Variants in NOMO2 observed in about 807,000 individuals in gnomAD.
The protein encoded by NOMO2 is BOS complex subunit NOMO2.
Under a neutral mutation model 67.1 loss-of-function variants are expected in NOMO2, and 14 were observed. The observed-to-expected ratio is 0.21, with a 90% CI of 0.14 to 0.33. NOMO2 has a LOEUF of 0.33. Ranked by LOEUF, NOMO2 falls within the 10% of genes least tolerant of loss-of-function variation. The pLI is 1.00. For synonymous variants in NOMO2, 80 were observed against 305.9 expected (o/e 0.26, Z 7.71); for missense variants, 178 against 761.0 (o/e 0.23, Z 9.01).
Position 18,561,993 on chromosome 16 carries a change from G to C in NOMO2, c.48C>G (p.Thr16=). The change falls in exon 1 of 31, where the codon ACC becomes ACG. Residue 16 remains threonine, a synonymous_variant. Coordinates refer to ENST00000622306, the MANE Select transcript of NOMO2 (RefSeq NM_173614.4). ...GAGLLGPAVV[T]AAVVLLLSGV... The stretch of plus-strand genomic sequence containing the variant: ...CGCTCAGCAGCAGCACCACCGCGGC[G>C]GTGACCACCGCGGGCCCCAGCAGCC... 6.4e-7 allele frequency: 1 copy of C among 1,556,636 alleles called. No homozygotes were observed. The highest frequency in any genetic ancestry group is 2.4e-5 in the East Asian group (1 of 41,256).
chr16:18,536,796 G>A (rs1901433652), intron 11 of NOMO2, among the ~76,000 whole-genome samples: 1 of 152,148 alleles, frequency 6.6e-6, no homozygotes, highest in Admixed American at 6.6e-5. Context: ...TGGAAGGTGG[G>A]AAAGACTTAA....
chr16:18,538,371 G>A (rs1901466961), intron 11 of NOMO2, among the ~76,000 whole-genome samples, 155 bp downstream of exon 11: 1 of 135,262 alleles, frequency 7.4e-6, no homozygotes, highest in Non-Finnish European at 1.6e-5. Context: ...CTGGGCAACA[G>A]GGCAAGACTC....
chr16:18,551,082 G>A (rs1479180175), intron 4 of NOMO2, among the ~76,000 whole-genome samples: 5 of 151,580 alleles, frequency 3.3e-5, no homozygotes, highest in African/African-American at 1.2e-4. Flanking sequence ...GGTGAGGCAG[G>A]AGAATCACTT....
At chr16:18,531,750 C>T in intron 12 of NOMO2, 143 bp from the exon 13 acceptor site, 1 of 1,492,598 alleles carries the variant, frequency 6.7e-7, no homozygotes, top group Non-Finnish European at 9.1e-7. Context: ...ATTTTACAAT[C>T]ACAACAAATC....
At chr16:18,529,852 T>G (rs1361003305) in intron 14 of NOMO2, among the ~76,000 whole-genome samples, 10 of 151,396 alleles carry the variant, frequency 6.6e-5, no homozygotes, top group Admixed American at 4.6e-4. Flanking sequence ...TGGTGGCTCA[T>G]GCCTATAATC....
intron 2 of NOMO2, 107 bp downstream of exon 2, chr16:18,557,595 T>C (rs1445739905): frequency 2.5e-6 from 4 of 1,596,292 alleles, no homozygotes; most frequent in Non-Finnish European, 3.4e-6. Flanking sequence ...ACTAATAATT[T>C]ACAAAACAGA....
chr16:18,535,061 C>G (rs549516011), intron 11 of NOMO2, among the ~76,000 whole-genome samples: 1 of 107,432 alleles, frequency 9.3e-6, no homozygotes. Flanking sequence ...GAAGACTAGG[C>G]ACCATGGCTC....
chr16:18,533,843 C>A (rs1287121103), intron 11 of NOMO2: 3 of 151,830 alleles, frequency 2.0e-5, no homozygotes, highest in East Asian at 3.9e-4. Flanking sequence ...TAAGGTGTTG[C>A]AAGGCATCCC....
intron 16 of NOMO2, among the ~76,000 whole-genome samples, chr16:18,526,757 T>C (rs894432391): frequency 6.6e-6 from 1 of 152,018 alleles, no homozygotes; most frequent in Non-Finnish European, 1.5e-5. Flanking sequence ...GGATTAACTG[T>C]CAATGGGCAC....
At chr16:18,553,052 T>C (rs1033106133) in intron 3 of NOMO2, among the ~76,000 whole-genome samples, 6 of 151,844 alleles carry the variant, frequency 4.0e-5, no homozygotes, top group African/African-American at 1.5e-4. Flanking sequence ...AGCGGGCAGA[T>C]CACTTGAGGT....
intron 6 of NOMO2, among the ~76,000 whole-genome samples, chr16:18,544,481 T>G (rs1901621843): frequency 6.6e-6 from 1 of 152,160 alleles, no homozygotes; most frequent in African/African-American, 2.4e-5. Context: ...TTGCCAAGTC[T>G]CACCCAATTC....
chr16:18,535,113 T>G (rs1283691260), intron 11 of NOMO2, among the ~76,000 whole-genome samples: 2 of 118,688 alleles, frequency 1.7e-5, no homozygotes, highest in Non-Finnish European at 3.6e-5. Context: ...GGCGGGTGGG[T>G]CACTTGAGGT....
chr16:18,525,890 A>G (rs1901134749), intron 16 of NOMO2, among the ~76,000 whole-genome samples: 1 of 150,758 alleles, frequency 6.6e-6, no homozygotes, highest in South Asian at 2.1e-4. Flanking sequence ...AATAGAAGGG[A>G]AAGGCCTAAA....
At chr16:18,525,324 C>T (rs1054526543) in intron 16 of NOMO2, among the ~76,000 whole-genome samples, 8 of 147,902 alleles carry the variant, frequency 5.4e-5, no homozygotes, top group Non-Finnish European at 9.0e-5. Flanking sequence ...ATGCTAGGTA[C>T]TGGTACACAG....
At chr16:18,539,049 A>G in intron 9 of NOMO2, 85 bp from the exon 10 acceptor site, 1 of 744,322 alleles carries the variant, frequency 1.3e-6, no homozygotes, top group Admixed American at 2.1e-5. Context: ...GCCGGCCACC[A>G]CCTACCATGT....
intron 16 of NOMO2, among the ~76,000 whole-genome samples, chr16:18,525,268 T>C (rs1207395497): frequency 2.0e-5 from 3 of 150,934 alleles, no homozygotes; most frequent in Non-Finnish European, 3.0e-5. Context: ...TGTTTGGTCT[T>C]TCATTCAACA....
chr16:18,536,583 T>TC (rs1395924240), intron 11 of NOMO2, among the ~76,000 whole-genome samples: 2 of 152,102 alleles, frequency 1.3e-5, no homozygotes, highest in African/African-American at 4.8e-5. Flanking sequence ...ACTCCTGGGC[T>TC]CAAGCGATCC....
chr16:18,528,725 C>T (rs956345169), intron 15 of NOMO2, among the ~76,000 whole-genome samples: 68 of 151,306 alleles, frequency 4.5e-4, no homozygotes, highest in Non-Finnish European at 8.1e-4. Flanking sequence ...GAGGCCAACA[C>T]AGGTGGATCC....
chr16:18,559,939 T>C (rs922379146), intron 1 of NOMO2, among the ~76,000 whole-genome samples: 6 of 151,808 alleles, frequency 4.0e-5, no homozygotes, highest in African/African-American at 1.5e-4. Flanking sequence ...GAGTTTTGTC[T>C]GTTCTGTTCA....
Sources: gnomAD v4.1 joint callset for allele counts (sites outside exome capture counted in the v4.1 genomes callset) on GRCh38, gnomAD v4.1.1 for gene constraint, MANE v1.5 for transcripts, NCBI Gene and HGNC (gene_info 2026-07-23, HGNC 2026-07-21) for gene names.